The following SMARCA5 variants were observed in gnomAD, a reference collection of about 807,000 sequenced individuals.
The protein encoded by SMARCA5 is SWI/SNF-related matrix-associated actin-dependent regulator of chromatin subfamily A member 5.
A neutral mutation model predicts 140.4 loss-of-function variants in SMARCA5; 18 were observed. That is an observed-to-expected ratio of 0.13 (90% CI 0.09 to 0.19). The LOEUF (loss-of-function observed/expected upper bound fraction) is 0.19, where lower values mean the gene tolerates loss of function less well. SMARCA5 is among the 10% of genes least tolerant of loss of function. SMARCA5 has a pLI of 1.00. For missense variants in SMARCA5, 606 were observed against 1,276.8 expected, an observed-to-expected ratio of 0.47 and a Z score of 8.01; for synonymous variants, 449 against 419.6, an observed-to-expected ratio of 1.07 and a Z score of -0.86.
intron 22 of SMARCA5, 116 bp downstream of exon 22, chr4:143,548,256 G>T: frequency 1.7e-6 from 1 of 592,224 alleles, no homozygotes; most frequent in Non-Finnish European, 2.9e-6. Flanking sequence ...TTACAATATT[G>T]TTAGTATCAT....
intron 14 of SMARCA5, 147 bp downstream of exon 14, chr4:143,540,642 A>G: frequency 2.8e-6 from 2 of 712,568 alleles, no homozygotes; most frequent in East Asian, 5.7e-5. Flanking sequence ...AAATACAGTA[A>G]ACTTTAGTTT....
At chr4:143,550,178 T>C (rs1375120442) in intron 23 of SMARCA5, 74 bp downstream of exon 23, 1 of 791,336 alleles carries the variant, frequency 1.3e-6, no homozygotes, top group East Asian at 3.0e-5. Context: ...ACTGCTTGGC[T>C]GTCATTGATG....
At chr4:143,525,324 C>A (rs1737047029) in intron 4 of SMARCA5, 127 bp from the exon 5 acceptor site, 2 of 654,754 alleles carry the variant, frequency 3.1e-6, no homozygotes, top group Non-Finnish European at 5.5e-6. Flanking sequence ...TTGGAACTTG[C>A]AGAGTTCCTA....
At chr4:143,533,232 A>AAAT (rs1400152835) in intron 9 of SMARCA5, among the ~76,000 whole-genome samples, 7 of 152,178 alleles carry the variant, frequency 4.6e-5, no homozygotes, top group Non-Finnish European at 8.8e-5. Flanking sequence ...ATGATAGGCA[A>AAAT]AATTAATTTA....
intron 1 of SMARCA5, chr4:143,514,381 G>C (rs935739621): frequency 5.9e-5 from 23 of 388,046 alleles, no homozygotes; most frequent in Admixed American, 1.8e-4. Flanking sequence ...GATGTTCTTG[G>C]TTACCGTGGC....
intron 2 of SMARCA5, among the ~76,000 whole-genome samples, chr4:143,518,866 ATTCT>A (rs1363150631): frequency 6.6e-6 from 1 of 152,028 alleles, no homozygotes; most frequent in Non-Finnish European, 1.5e-5. Flanking sequence ...TATAGTTTAG[ATTCT>A]GACACACTCT....
intron 14 of SMARCA5, among the ~76,000 whole-genome samples, chr4:143,543,001 G>C (rs1036109493): frequency 6.6e-6 from 1 of 152,098 alleles, no homozygotes; most frequent in African/African-American, 2.4e-5. Flanking sequence ...AATAAAATAA[G>C]TTTTTAGGAG....
intron 1 of SMARCA5, among the ~76,000 whole-genome samples, chr4:143,516,907 A>C (rs1050463739): frequency 1.3e-5 from 2 of 152,232 alleles, no homozygotes. Context: ...GTAATATTCC[A>C]GAAGGTGGAA....
rs142605607 is a variant in SMARCA5, at chr4:143,529,516, C to T, written c.1089+802C>T. On this transcript the variant is annotated intron_variant, in intron 8 of 23. Transcript: ENST00000283131. The stretch of plus-strand genomic sequence containing the variant: ...CTAATCTTTATGGATTATTTATAGT[C>T]ATAGAAAGGATAGTAATGGTTAATT... Among the ~76,000 whole-genome samples, 759 of 152,154 alleles carry T rather than the reference C, an allele frequency of 5.0e-3. 4 individuals are homozygous for T. The highest frequency in any genetic ancestry group is 8.2e-3 in the Non-Finnish European group (560 of 68,000).
In SMARCA5 at chr4:143,557,321, TTTA is replaced by T. The variant is rs1306582506; in HGVS notation, c.*4141_*4143del. 1 of 152,222 alleles carries T rather than the reference TTTA, an allele frequency of 6.6e-6. No individual in the cohort carries two copies. Among genetic ancestry groups the T allele is most frequent in the Non-Finnish European group, 1.5e-5 (1 of 68,042 alleles). 9.4% of individuals were successfully genotyped at this position (152,222 alleles called of 1,614,324 possible). On this transcript the variant is annotated 3_prime_UTR_variant, in exon 24 of 24. Coordinates refer to ENST00000283131, the MANE Select transcript of SMARCA5 (RefSeq NM_003601.4). ...GTAAACACTACATTGACAAAAATAT[TTTA>T]TTAATACAAAGAATATGCATATAGT...
intron 5 of SMARCA5, 64 bp downstream of exon 5, chr4:143,525,615 A>G (rs1345498927): frequency 8.8e-7 from 1 of 1,134,082 alleles, no homozygotes; most frequent in Non-Finnish European, 1.3e-6. Flanking sequence ...TACGTTGATA[A>G]AAGTTTCTTA....
At chr4:143,535,550 T>A (rs1302422770) in intron 10 of SMARCA5, among the ~76,000 whole-genome samples, 1 of 152,180 alleles carries the variant, frequency 6.6e-6, no homozygotes, top group Non-Finnish European at 1.5e-5. Flanking sequence ...AGGTTATCTG[T>A]AGAAGGTGGT....
chr4:143,536,005 T>C lies in SMARCA5; in HGVS notation c.1269-447T>C, dbSNP rs186524764. Among the ~76,000 whole-genome samples the C allele has an allele frequency of 1.9e-3, 288 of 152,234 alleles. 1 individual carries two copies. Among genetic ancestry groups the C allele is most frequent in the African/African-American group, 6.6e-3 (273 of 41,550 alleles). ...TCATGCCTTACCATTTCATTATTCT[T>C]CCTGTCTTCTCAGATGTTAGGGTTC... On this transcript the variant is annotated intron_variant, in intron 10 of 23. Coordinates refer to ENST00000283131, the MANE Select transcript of SMARCA5 (RefSeq NM_003601.4).
In SMARCA5 at chr4:143,556,134, A is replaced by G. The variant is rs776571213; in HGVS notation, c.*2950A>G. The G allele has an allele frequency of 5.3e-5, 8 of 152,364 alleles. No individual in the cohort carries two copies. The highest frequency in any genetic ancestry group is 1.7e-4 in the African/African-American group (7 of 41,592). 9.4% of individuals were successfully genotyped at this position (152,364 alleles called of 1,614,324 possible). A position where few individuals can be genotyped will look rare whatever the true frequency, so the allele number is the denominator to read the frequency against. ...TTTTTGGATTAGGGATGCTGAACTG[A>G]TAAGTATAATGCAAGTATTCTAAAG... is the stretch of plus-strand genomic sequence containing the variant. On this transcript the variant is annotated 3_prime_UTR_variant, in exon 24 of 24. Coordinates refer to ENST00000283131, the MANE Select transcript of SMARCA5 (RefSeq NM_003601.4).
intron 14 of SMARCA5, among the ~76,000 whole-genome samples, chr4:143,542,396 A>G (rs1737445346): frequency 6.6e-6 from 1 of 152,184 alleles, no homozygotes; most frequent in Non-Finnish European, 1.5e-5. Context: ...CAAGCACTTT[A>G]CATCTGAAGG....
intron 5 of SMARCA5, 75 bp downstream of exon 5, chr4:143,525,626 C>CAGT (rs1374858302): frequency 1.0e-6 from 1 of 996,562 alleles, no homozygotes; most frequent in African/African-American, 1.6e-5. Flanking sequence ...AAGTTTCTTA[C>CAGT]AGTCTACAAC....
Position 143,545,491 on chromosome 4 carries a change from C to T in SMARCA5, c.2305C>T (p.Pro769Ser). 6.2e-7 allele frequency: 1 copy of T among 1,612,302 alleles called. No homozygotes were observed. The highest frequency in any genetic ancestry group is 8.5e-7 in the Non-Finnish European group (1 of 1,178,920). ...TTAGGCTCCTCGACCTCCAAAACAA[C>T]CCAATGTTCAGGATTTCCAGTTCTT... ...APKAPRPPKQ[P>S]NVQDFQFFPP... The change falls in exon 18 of 24, where the codon CCC (proline) becomes TCC (serine). Residue 769 changes from proline to serine, a missense_variant. By Grantham distance (74) the Pro-to-Ser change is moderately conservative. Transcript: ENST00000283131.
At position 143,555,541 on chromosome 4, in the gene SMARCA5, T is replaced by C. The variant is rs1737729307; in HGVS notation, c.*2357T>C. On this transcript the variant is annotated 3_prime_UTR_variant, in exon 24 of 24. Transcript: ENST00000283131. Reference sequence around the variant, plus strand: ...TGCTGTTGATTGCTAAATGTTTTAATAATCTGATCATGATACTGAATAAAT... The same window carrying C: ...TGCTGTTGATTGCTAAATGTTTTAACAATCTGATCATGATACTGAATAAAT... 2.6e-6 allele frequency: 1 copy of C among 391,304 alleles called. No homozygotes were observed. Among genetic ancestry groups the C allele is most frequent in the African/African-American group, 2.1e-5 (1 of 48,490 alleles). The allele number at this position is 391,304 out of a possible 1,614,324, so 24.2% of individuals were successfully genotyped here.
At position 143,534,156 on chromosome 4, in the gene SMARCA5, GT is replaced by G. The variant is rs890971304; in HGVS notation, c.1159-689del. 2.1e-3 allele frequency among the ~76,000 whole-genome samples: 303 copies of G among 146,654 alleles called. 1 individual carries two copies. The highest frequency in any genetic ancestry group is 6.7e-3 in the African/African-American group (269 of 40,060). On this transcript the variant is annotated intron_variant, in intron 9 of 23. Transcript: ENST00000283131. ...ACTTTTAAAATAAGGTGTGTACGTT[GT>G]TTTTTTTTTAGACATAATGCTATTG...
Sources: gnomAD v4.1 joint callset for allele counts (sites outside exome capture counted in the v4.1 genomes callset) on GRCh38, gnomAD v4.1.1 for gene constraint, MANE v1.5 for transcripts, NCBI Gene and HGNC (gene_info 2026-07-23, HGNC 2026-07-21) for gene names.